Variants in MYO16 observed in about 807,000 individuals in gnomAD.
MYO16 encodes the protein myosin XVI.
A neutral mutation model predicts 205.3 loss-of-function variants in MYO16; 94 were observed. That is an observed-to-expected ratio of 0.46 (90% confidence interval 0.39 to 0.54). MYO16 has a LOEUF of 0.54. MYO16 is among the 20% of genes least tolerant of loss of function. The pLI is 0.00. For missense variants in MYO16, 2,315 were observed against 2,387.5 expected (o/e 0.97, Z 0.63); for synonymous variants, 988 against 954.0 (o/e 1.04, Z -0.66).
At chr13:108,896,719 C>T (rs1246642795) in intron 14 of MYO16, among the ~76,000 whole-genome samples, 1 of 151,966 alleles carries the variant, frequency 6.6e-6, no homozygotes, top group Non-Finnish European at 1.5e-5. Flanking sequence ...GTAATGCCAG[C>T]ACTTTTTGGG....
At chr13:108,953,582 T>A (rs1883237996) in intron 16 of MYO16, among the ~76,000 whole-genome samples, 1 of 151,504 alleles carries the variant, frequency 6.6e-6, no homozygotes. Context: ...TTTTTTTTTT[T>A]AGAAATTGTC....
intron 4 of MYO16, among the ~76,000 whole-genome samples, chr13:108,747,914 A>G (rs1056904599): frequency 2.0e-5 from 3 of 152,130 alleles, no homozygotes. Flanking sequence ...ACTATTATAG[A>G]CTTCATTACC....
At chr13:108,557,333 G>A in the MYO16 span, among the ~76,000 whole-genome samples, 1 of 151,932 alleles carries the variant, frequency 6.6e-6, no homozygotes, top group Non-Finnish European at 1.5e-5. Flanking sequence ...TCAATGCACA[G>A]GTCTTTCATC....
intron 9 of MYO16, among the ~76,000 whole-genome samples, chr13:108,826,927 T>C (rs1014002544): frequency 1.3e-5 from 2 of 152,080 alleles, no homozygotes; most frequent in Non-Finnish European, 2.9e-5. Flanking sequence ...TCTCGTATGG[T>C]GGTAGTGGGA....
At chr13:109,028,972 G>C (rs1886457787) in intron 23 of MYO16, among the ~76,000 whole-genome samples, 1 of 151,824 alleles carries the variant, frequency 6.6e-6, no homozygotes, top group Admixed American at 6.6e-5. Context: ...AGTTTGAAAT[G>C]TTCCTATTGT....
chr13:109,007,365 G>A lies in MYO16; in HGVS notation c.2443-1532G>A, dbSNP rs938548078. ...ATGGCGCCACTGCACTCCAGCCTGG[G>A]CGACAGGGCGAGACTCCGTCTCAAA... On this transcript the variant is annotated intron_variant, in intron 21 of 34. Coordinates refer to ENST00000457511, the MANE Select transcript of MYO16 (RefSeq NM_001198950.3). 5.9e-5 allele frequency among the ~76,000 whole-genome samples: 9 copies of A among 151,864 alleles called. No individual in the cohort carries two copies. The East Asian group carries it at 9.7e-4, about 16-fold the overall frequency.
At chr13:109,153,247 A>C (rs1348007429) in intron 32 of MYO16, among the ~76,000 whole-genome samples, 2 of 152,202 alleles carry the variant, frequency 1.3e-5, no homozygotes, top group African/African-American at 4.8e-5. Context: ...AATAGGAAAC[A>C]AAATCTCCAA....
intron 9 of MYO16, among the ~76,000 whole-genome samples, chr13:108,827,230 A>C (rs1410215661): frequency 6.6e-6 from 1 of 152,106 alleles, no homozygotes; most frequent in African/African-American, 2.4e-5. Context: ...ATTCCTTTGC[A>C]TTCTAAAGGT....
intron 34 of MYO16, among the ~76,000 whole-genome samples, chr13:109,190,304 G>A (rs937153385): frequency 1.3e-5 from 2 of 152,020 alleles, no homozygotes; most frequent in Non-Finnish European, 1.5e-5. Flanking sequence ...TTTTCTGTAC[G>A]GATAACAATT....
At chr13:108,503,526 G>A in the MYO16 span, among the ~76,000 whole-genome samples, 5 of 152,000 alleles carry the variant, frequency 3.3e-5, no homozygotes, top group African/African-American at 7.2e-5. Flanking sequence ...AATTCATTTA[G>A]CTCTTTGAAG....
At chr13:108,818,021 A>G (rs947984932) in intron 7 of MYO16, among the ~76,000 whole-genome samples, 1 of 152,016 alleles carries the variant, frequency 6.6e-6, no homozygotes, top group African/African-American at 2.4e-5. Context: ...TTGCATAGCA[A>G]CCTTAAATGT....
At chr13:109,013,524 C>A (rs1885692530) in intron 22 of MYO16, among the ~76,000 whole-genome samples, 1 of 152,142 alleles carries the variant, frequency 6.6e-6, no homozygotes, top group Admixed American at 6.5e-5. Flanking sequence ...AGTTCTAGAT[C>A]TTTGAGGGAT....
intron 20 of MYO16, among the ~76,000 whole-genome samples, chr13:108,982,972 T>C (rs776330812): frequency 4.6e-5 from 7 of 152,162 alleles, no homozygotes; most frequent in Non-Finnish European, 7.3e-5. Flanking sequence ...TGGAATGATT[T>C]AGTGCCACAC....
chr13:108,592,078 G>T (rs34241629), upstream of MYO16, among the ~76,000 whole-genome samples: 2 of 126,442 alleles, frequency 1.6e-5, no homozygotes, highest in Admixed American at 8.3e-5. Flanking sequence ...TGTGGGGGGT[G>T]GGGGTGGAGG....
At position 109,052,369 on chromosome 13, in the gene MYO16, C is replaced by T. The variant is rs776060428; in HGVS notation, c.2942C>T (p.Ala981Val). 6.2e-7 allele frequency: 1 copy of T among 1,612,606 alleles called. No homozygotes were observed. The highest frequency in any genetic ancestry group is 2.2e-5 in the East Asian group (1 of 44,850). ...TCACAAACAGGATCCCTCGTATCTG[C>T]CTATCCTTCCTTTAAATTCCGAGGA... is the stretch of plus-strand genomic sequence containing the variant. ...KLSQTGSLVS[A>V]YPSFKFRGHK... Residue 981 changes from alanine to valine, a missense_variant, in exon 25 of 35, where the codon GCC becomes GTC. Physicochemically the swap from Ala to Val is moderately conservative, Grantham distance 64 (BLOSUM62 0). This residue lies in a region of MYO16 where 1,213 missense variants were observed against 1,274.4 expected (regional missense o/e 0.95). Transcript: ENST00000457511.
At chr13:108,900,665 C>T (rs1880662886) in intron 15 of MYO16, among the ~76,000 whole-genome samples, 1 of 152,196 alleles carries the variant, frequency 6.6e-6, no homozygotes, top group East Asian at 1.9e-4. Context: ...CCTACATCTT[C>T]GAGGAGGATG....
At chr13:108,566,946 G>A in the MYO16 span, among the ~76,000 whole-genome samples, 1 of 152,282 alleles carries the variant, frequency 6.6e-6, no homozygotes, top group African/African-American at 2.4e-5. Context: ...GAAGCATAAT[G>A]AATGTGGAGT....
chr13:109,100,938 G>T, intron 28 of MYO16, 51 bp downstream of exon 28: 1 of 1,510,188 alleles, frequency 6.6e-7, no homozygotes, highest in South Asian at 1.2e-5. Flanking sequence ...TTAAATAAAT[G>T]AGCTGAGTCA....
chr13:108,940,926 TAAAC>T (rs1882697924), intron 16 of MYO16, among the ~76,000 whole-genome samples: 2 of 152,336 alleles, frequency 1.3e-5, no homozygotes, highest in African/African-American at 4.8e-5. Flanking sequence ...CAAAGTCAAT[TAAAC>T]AAAACAAAAT....
Sources: gnomAD v4.1 joint callset for allele counts (sites outside exome capture counted in the v4.1 genomes callset) on GRCh38, gnomAD v4.1.1 for gene constraint, gnomAD v4.1.1 regional missense constraint, MANE v1.5 for transcripts, NCBI Gene and HGNC (gene_info 2026-07-23, HGNC 2026-07-21) for gene names.